ZFHX3: variants seen among roughly 807,000 people sequenced by gnomAD.
ZFHX3 encodes zinc finger homeobox 3, also known as zinc finger homeobox protein 3.
In ZFHX3, 42 loss-of-function variants were observed where a neutral mutation model predicts 279.1. The observed-to-expected ratio is 0.15, with a 90% confidence interval of 0.12 to 0.19. ZFHX3 has a LOEUF of 0.19. Among genes scored for constraint, ZFHX3 ranks in the 10% least tolerant of loss-of-function variants. ZFHX3 has a pLI of 1.00. For synonymous variants in ZFHX3, 2,293 were observed against 1,957.8 expected, an observed-to-expected ratio of 1.17 and a Z score of -4.52; for missense variants, 4,981 against 4,754.0, an observed-to-expected ratio of 1.05 and a Z score of -1.40.
intron 3 of ZFHX3, among the ~76,000 whole-genome samples, chr16:73,446,156 G>A (rs1421841631): frequency 6.6e-6 from 1 of 152,152 alleles, no homozygotes; most frequent in Non-Finnish European, 1.5e-5. Context: ...AGTCTGAGGG[G>A]GAAATGGTGG....
chr16:73,153,483 C>T (rs908325775), intron 5 of ZFHX3, among the ~76,000 whole-genome samples: 21 of 152,030 alleles, frequency 1.4e-4, no homozygotes, highest in African/African-American at 4.1e-4. Context: ...TTGAAAATGG[C>T]CTCAACACAT....
At chr16:73,124,179 A>G (rs887113905) in intron 7 of ZFHX3, among the ~76,000 whole-genome samples, 2 of 152,194 alleles carry the variant, frequency 1.3e-5, no homozygotes, top group Non-Finnish European at 2.9e-5. Context: ...ACAAAATACC[A>G]TAAACTGGGT....
In ZFHX3 at chr16:72,800,068, C is replaced by T. The variant is rs2036048725; in HGVS notation, c.3926G>A (p.Arg1309Gln). ...CTCTTCCAAATTGGAATTCCCATCT[C>T]GATCTGGAACAGCTGCTGGGAGGAA... ...SMFLPAAVPD[R>Q]DGNSNLEEAG... is the part of the protein sequence containing the mutation. Residue 1309 changes from arginine (R) to glutamine (Q), a missense_variant, in exon 8 of 10, where the codon CGA becomes CAA. Arg to Gln is a conservative substitution (Grantham distance 43). This residue lies in a region of ZFHX3 where 1,751 missense variants were observed against 1,770.0 expected (regional missense o/e 0.99). Coordinates refer to ENST00000268489, the MANE Select transcript of ZFHX3 (RefSeq NM_006885.4). 6 of 1,614,158 alleles carry T rather than the reference C, an allele frequency of 3.7e-6. No homozygotes were observed. The highest frequency in any genetic ancestry group is 1.1e-5 in the South Asian group (1 of 91,074).
At chr16:73,225,114 C>T (rs375732891) in intron 5 of ZFHX3, among the ~76,000 whole-genome samples, 69 of 152,148 alleles carry the variant, frequency 4.5e-4, no homozygotes, top group African/African-American at 1.5e-3. Flanking sequence ...TATATGCATA[C>T]ATGTTAAAAT....
Position 73,539,316 on chromosome 16 carries a change from A to G in ZFHX3, c.-1546-83058T>C, listed in dbSNP as rs190127528. 3.2e-3 allele frequency among the ~76,000 whole-genome samples: 469 copies of G among 147,940 alleles called. 6 individuals are homozygous for G. Among genetic ancestry groups the G allele is most frequent in the African/African-American group, 0.011 (431 of 40,162 alleles). ...TCCACATTGTTATCAGGTGAAACTG[A>G]TTTTACGCGCCCACCCGCCTCTCCT... On this transcript the variant is annotated intron_variant, in intron 2 of 17. Transcript: ENST00000641206.
At chr16:72,929,224 C>G (rs532269331) in intron 3 of ZFHX3, among the ~76,000 whole-genome samples, 1 of 150,650 alleles carries the variant, frequency 6.6e-6, no homozygotes, top group African/African-American at 2.4e-5. Context: ...GGCGACAGAG[C>G]CGCCAGACCC....
At chr16:73,111,370 C>G (rs1966371219) in intron 7 of ZFHX3, among the ~76,000 whole-genome samples, 1 of 152,140 alleles carries the variant, frequency 6.6e-6, no homozygotes, top group Non-Finnish European at 1.5e-5. Flanking sequence ...ATCATGCCAG[C>G]TTAGGGGAAG....
rs187024326 is a variant in ZFHX3 at position 72,787,144 on chromosome 16, G to A, written c.*20C>T. The A allele has an allele frequency of 1.4e-5, 20 of 1,385,928 alleles. No individual in the cohort carries two copies. In the East Asian group the frequency reaches 2.7e-4, roughly 19 times the overall value. The allele number at this position is 1,385,928 out of a possible 1,614,324, so 85.9% of individuals were successfully genotyped here. ...TTTTTGTATTTAAATTCATTTGTTTGTATTGTTCATCTTCAAAGCTTACAA... is the reference window on the plus strand; with the variant it reads ...TTTTTGTATTTAAATTCATTTGTTTATATTGTTCATCTTCAAAGCTTACAA... On this transcript the variant is annotated 3_prime_UTR_variant, in exon 10 of 10. Coordinates refer to ENST00000268489, the MANE Select transcript of ZFHX3 (RefSeq NM_006885.4).
chr16:73,648,095 G>A (rs964146783), intron 2 of ZFHX3, among the ~76,000 whole-genome samples: 6 of 152,148 alleles, frequency 3.9e-5, no homozygotes, highest in Admixed American at 1.3e-4. Context: ...ATTATTTACC[G>A]AAATTTAAAA....
In ZFHX3 at chr16:72,788,189, G is replaced by C. The variant is rs2035536213; in HGVS notation, c.10087C>G (p.Gln3363Glu). The C allele has an allele frequency of 1.2e-6, 2 of 1,612,182 alleles. No individual in the cohort carries two copies. The highest frequency in any genetic ancestry group is 2.7e-5 in the African/African-American group (2 of 74,894). ...AGACTCTGCTGGTATTGCTGGTACT[G>C]CTGCAGTAGGGAGCCTGGGGACAGC... ...MGLSPGSLLQ[Q>E]YQQYQQSLQE... The change falls in exon 10 of 10, where the codon CAG becomes GAG. Residue 3363 changes from glutamine to glutamate, a missense_variant. Gln to Glu is a conservative substitution (Grantham distance 29). Transcript: ENST00000268489.
At chr16:73,696,734 T>C (rs1407145492) in intron 1 of ZFHX3, among the ~76,000 whole-genome samples, 1 of 152,194 alleles carries the variant, frequency 6.6e-6, no homozygotes, top group Non-Finnish European at 1.5e-5. Context: ...CCCTTTTCCT[T>C]CTTCCACAGC....
At chr16:73,122,372 A>ATT (rs1355827485) in intron 7 of ZFHX3, among the ~76,000 whole-genome samples, 5 of 138,992 alleles carry the variant, frequency 3.6e-5, no homozygotes, top group African/African-American at 1.1e-4. Context: ...TAATTTTTGT[A>ATT]TTTTTTTTTT....
intron 4 of ZFHX3, among the ~76,000 whole-genome samples, chr16:73,296,468 T>C (rs1379609185): frequency 1.3e-5 from 2 of 152,158 alleles, no homozygotes; most frequent in Non-Finnish European, 2.9e-5. Context: ...CCTAATATGG[T>C]GATAATCTAT....
chr16:73,444,955 T>TAAAA (rs56235953), intron 3 of ZFHX3, among the ~76,000 whole-genome samples: 3 of 68,454 alleles, frequency 4.4e-5, no homozygotes, highest in African/African-American at 1.1e-4. Context: ...CCATCTATAC[T>TAAAA]AAAAAAAAAA....
At chr16:73,878,374 A>AG (rs2030022065) in intron 1 of ZFHX3, among the ~76,000 whole-genome samples, 1 of 152,166 alleles carries the variant, frequency 6.6e-6, no homozygotes, top group South Asian at 2.1e-4. Flanking sequence ...AAAGTTTGTT[A>AG]GGGGTTCAGC....
At chr16:72,835,949 G>A (rs2037182401) in intron 4 of ZFHX3, among the ~76,000 whole-genome samples, 1 of 152,118 alleles carries the variant, frequency 6.6e-6, no homozygotes, top group Non-Finnish European at 1.5e-5. Flanking sequence ...GCAAATACAG[G>A]TCAAATCAAA....
intron 4 of ZFHX3, among the ~76,000 whole-genome samples, chr16:72,879,488 C>T (rs567662671): frequency 3.9e-5 from 6 of 152,234 alleles, no homozygotes; most frequent in East Asian, 3.9e-4. Context: ...TGCAATGGCG[C>T]GGCCTCTGCT....
At chr16:73,522,246 C>T (rs553768601) in intron 2 of ZFHX3, among the ~76,000 whole-genome samples, 1 of 152,182 alleles carries the variant, frequency 6.6e-6, no homozygotes, top group Non-Finnish European at 1.5e-5. Flanking sequence ...TAAAGTATTA[C>T]AACCATGGCT....
chr16:73,184,186 T>A (rs1438108953), intron 5 of ZFHX3, among the ~76,000 whole-genome samples: 2 of 152,214 alleles, frequency 1.3e-5, no homozygotes, highest in East Asian at 1.9e-4. Context: ...CCAGGGGTGC[T>A]AGGGCTTGCC....
Sources: allele counts gnomAD v4.1 joint callset (sites outside exome capture counted in the v4.1 genomes callset), GRCh38; gene constraint gnomAD v4.1.1; regional missense constraint gnomAD v4.1.1; transcripts MANE v1.5; gene names NCBI Gene and HGNC (gene_info 2026-07-23, HGNC 2026-07-21).